The following NOS1AP variants were observed in gnomAD, a reference collection of about 807,000 sequenced individuals.
The protein encoded by NOS1AP is nitric oxide synthase 1 adaptor protein.
A neutral mutation model predicts 56.2 loss-of-function variants in NOS1AP; 21 were observed. The observed-to-expected ratio is 0.37, with a 90% CI of 0.26 to 0.54. The LOEUF (loss-of-function observed/expected upper bound fraction) is 0.54. NOS1AP is among the 20% of genes least tolerant of loss of function. The pLI is 0.84. For missense variants in NOS1AP, 522 were observed against 657.8 expected (o/e 0.79, Z 2.26); for synonymous variants, 270 against 274.6 (o/e 0.98, Z 0.17).
At chr1:162,239,758 A>G (rs1172382353) in intron 2 of NOS1AP, among the ~76,000 whole-genome samples, 1 of 152,178 alleles carries the variant, frequency 6.6e-6, no homozygotes, top group Non-Finnish European at 1.5e-5. Flanking sequence ...GTGGGAGAGA[A>G]CCCCAGTAGG....
chr1:162,357,614 G>A (rs1225483728), intron 8 of NOS1AP, among the ~76,000 whole-genome samples: 1 of 148,684 alleles, frequency 6.7e-6, no homozygotes, highest in South Asian at 2.1e-4. Context: ...GTCTATAACA[G>A]GTTTCCCAGC....
At chr1:162,344,528 A>G (rs1657212509) in intron 6 of NOS1AP, among the ~76,000 whole-genome samples, 2 of 152,168 alleles carry the variant, frequency 1.3e-5, no homozygotes, top group Admixed American at 1.3e-4. Flanking sequence ...AATCCCTGCC[A>G]TGTTGCCTGT....
intron 2 of NOS1AP, among the ~76,000 whole-genome samples, chr1:162,160,052 G>A (rs371836656): frequency 1.3e-5 from 2 of 152,184 alleles, no homozygotes; most frequent in African/African-American, 4.8e-5. Flanking sequence ...GAAACGTGGT[G>A]CAGCCTCTGG....
chr1:162,090,219 A>G (rs147845464), intron 1 of NOS1AP, among the ~76,000 whole-genome samples: 45 of 151,664 alleles, frequency 3.0e-4, no homozygotes, highest in African/African-American at 1.0e-3. Context: ...AAACTGCTGA[A>G]TATTAAATCT....
chr1:162,169,481 T>C (rs945710), intron 2 of NOS1AP, among the ~76,000 whole-genome samples: 149,375 of 152,320 alleles, frequency 0.98, 73,306 homozygotes, highest in East Asian at 1. Context: ...TGCATTCCCA[T>C]ACACCCCTGC....
intron 2 of NOS1AP, among the ~76,000 whole-genome samples, chr1:162,269,859 G>A (rs1196373539): frequency 6.6e-6 from 1 of 151,942 alleles, no homozygotes; most frequent in African/African-American, 2.4e-5. Context: ...TAAGTTCTTA[G>A]GAAAAGAGAA....
At chr1:162,176,864 A>G (rs139429312) in intron 2 of NOS1AP, among the ~76,000 whole-genome samples, 1 of 152,142 alleles carries the variant, frequency 6.6e-6, no homozygotes, top group Non-Finnish European at 1.5e-5. Context: ...TCACTTACCT[A>G]TTCAAGGACA....
At chr1:162,284,800 C>G (rs114171665) in intron 2 of NOS1AP, among the ~76,000 whole-genome samples, 1 of 152,146 alleles carries the variant, frequency 6.6e-6, no homozygotes, top group Non-Finnish European at 1.5e-5. Flanking sequence ...GGCTGGGTGC[C>G]TCTTGCTATG....
rs150588089 is a variant in NOS1AP at position 162,149,271 on chromosome 1, T to C, written c.106-5134T>C. On this transcript the variant is annotated intron_variant, in intron 1 of 9. Coordinates refer to ENST00000361897, the MANE Select transcript of NOS1AP (RefSeq NM_014697.3). ...GACCCCTGTAGGAATTGACAGAGCC[T>C]GGATATCTGAAGGTTGTTGGCTCCT... 1.9e-4 allele frequency among the ~76,000 whole-genome samples: 29 copies of C among 152,324 alleles called. 1 individual carries two copies. Among genetic ancestry groups the C allele is most frequent in the African/African-American group, 6.0e-4 (25 of 41,576 alleles).
chr1:162,101,982 A>G (rs988774408), intron 1 of NOS1AP, among the ~76,000 whole-genome samples: 8 of 152,208 alleles, frequency 5.3e-5, no homozygotes, highest in African/African-American at 1.9e-4. Flanking sequence ...ACTACGTTGA[A>G]TAGGAGTGGT....
intron 2 of NOS1AP, among the ~76,000 whole-genome samples, chr1:162,221,546 A>G (rs1046350173): frequency 2.0e-5 from 3 of 150,842 alleles, no homozygotes; most frequent in Non-Finnish European, 3.0e-5. Flanking sequence ...ACACACACAC[A>G]CACACACACA....
At chr1:162,359,316 C>T (rs1022621073) in intron 8 of NOS1AP, among the ~76,000 whole-genome samples, 1 of 152,150 alleles carries the variant, frequency 6.6e-6, no homozygotes, top group Admixed American at 6.5e-5. Context: ...CTTAGGCTTC[C>T]AAAATCATCA....
At chr1:162,366,792 G>A in intron 9 of NOS1AP, 1 of 584,112 alleles carries the variant, frequency 1.7e-6, no homozygotes, top group South Asian at 2.0e-5. Context: ...AGAGCCTTCA[G>A]TGGCTACCAG....
intron 2 of NOS1AP, among the ~76,000 whole-genome samples, chr1:162,278,489 G>A (rs1393798681): frequency 1.3e-5 from 2 of 152,140 alleles, no homozygotes; most frequent in African/African-American, 2.4e-5. Flanking sequence ...AGTGAGAGGT[G>A]CTGGGAGGTT....
At chr1:162,275,610 G>C (rs964564229) in intron 2 of NOS1AP, among the ~76,000 whole-genome samples, 7 of 152,178 alleles carry the variant, frequency 4.6e-5, no homozygotes, top group African/African-American at 9.7e-5. Context: ...TTCCATCATA[G>C]TTGGAGGGGG....
chr1:162,296,272 C>A (rs1482192603), intron 3 of NOS1AP, among the ~76,000 whole-genome samples: 1 of 152,060 alleles, frequency 6.6e-6, no homozygotes, highest in East Asian at 1.9e-4. Flanking sequence ...GGTGACAGAG[C>A]GAGACTCTGT....
At chr1:162,332,964 A>G (rs916975016) in intron 4 of NOS1AP, 53 bp from the exon 5 acceptor site, 67 of 1,254,698 alleles carry the variant, frequency 5.3e-5, no homozygotes, top group Non-Finnish European at 6.8e-5. Flanking sequence ...TCCTGGTTGG[A>G]GATTTGAACC....
chr1:162,218,162 G>A (rs1652644499), intron 2 of NOS1AP, among the ~76,000 whole-genome samples: 1 of 152,202 alleles, frequency 6.6e-6, no homozygotes, highest in African/African-American at 2.4e-5. Flanking sequence ...TACAATGTAA[G>A]CTTCCAGAGA....
chr1:162,169,156 T>C (rs1223043785), intron 2 of NOS1AP, among the ~76,000 whole-genome samples: 3 of 152,250 alleles, frequency 2.0e-5, no homozygotes, highest in Non-Finnish European at 4.4e-5. Context: ...GCTCTCTGCC[T>C]TTCCTTGCCA....
Sources: gnomAD v4.1 joint callset for allele counts (sites outside exome capture counted in the v4.1 genomes callset) on GRCh38, gnomAD v4.1.1 for gene constraint, MANE v1.5 for transcripts, NCBI Gene and HGNC (gene_info 2026-07-23, HGNC 2026-07-21) for gene names.